The following PDLIM5 variants were observed in gnomAD, a reference collection of about 807,000 sequenced individuals.
PDLIM5 encodes the protein PDZ and LIM domain 5, also known as PDZ and LIM domain protein 5.
A neutral mutation model predicts 64.2 loss-of-function variants in PDLIM5; 34 were observed. The ratio of observed to expected loss-of-function variants is 0.53; its 90% confidence interval spans 0.40 to 0.71. The LOEUF (loss-of-function observed/expected upper bound fraction) is 0.71. PDLIM5 is among the 30% of genes least tolerant of loss of function. The pLI, the probability that PDLIM5 is intolerant of heterozygous loss-of-function variation, is 0.00. For missense variants in PDLIM5, 683 were observed against 733.6 expected (o/e 0.93, Z 0.80); for synonymous variants, 253 against 269.1 (o/e 0.94, Z 0.59).
At chr4:94,508,938 A>G (rs1434207954) in intron 2 of PDLIM5, among the ~76,000 whole-genome samples, 4 of 152,122 alleles carry the variant, frequency 2.6e-5, no homozygotes, top group South Asian at 2.1e-4. Flanking sequence ...TTTTCATATC[A>G]TCGTGTCTTT....
intron 2 of PDLIM5, among the ~76,000 whole-genome samples, chr4:94,492,589 C>T (rs530822789): frequency 7.9e-5 from 12 of 152,206 alleles, no homozygotes; most frequent in African/African-American, 2.2e-4. Flanking sequence ...TCTGTCTTTA[C>T]GGATTTACCT....
Position 94,665,441 on chromosome 4 carries a change from A to G in PDLIM5, c.*1374A>G, listed in dbSNP as rs1743026530. ...AGTTGCAGTGAGCTGAGATCACACC[A>G]CTGCACTCCAGCCTGGTGACAGAGC... On this transcript the variant is annotated 3_prime_UTR_variant, in exon 13 of 13. Transcript: ENST00000317968. The G allele has an allele frequency of 1.6e-6, 1 of 635,760 alleles. No individual in the cohort carries two copies. Among genetic ancestry groups the G allele is most frequent in the South Asian group, 6.6e-5 (1 of 15,208 alleles). 39.4% of individuals were successfully genotyped at this position (635,760 alleles called of 1,614,324 possible). A position where few individuals can be genotyped will look rare whatever the true frequency, so the allele number is the denominator to read the frequency against.
rs189607699 is a variant in PDLIM5, at chr4:94,524,465, T to G, written c.248+590T>G. 4.7e-4 allele frequency among the ~76,000 whole-genome samples: 71 copies of G among 152,100 alleles called. 1 individual carries two copies. The highest frequency in any genetic ancestry group is 3.4e-3 in the Middle Eastern group (1 of 294). ...AATGGAGTGCAGGCTAAGAATTCTT[T>G]CTGTTAGGTAAAATTCTGAGCATTA... On this transcript the variant is annotated intron_variant, in intron 3 of 12. Transcript: ENST00000317968.
chr4:94,508,234 A>G (rs1728564360), intron 2 of PDLIM5, among the ~76,000 whole-genome samples: 1 of 152,254 alleles, frequency 6.6e-6, no homozygotes, highest in African/African-American at 2.4e-5. Context: ...CTGTGTGACG[A>G]GAGACCAGAG....
chr4:94,657,444 G>T lies in PDLIM5; in HGVS notation c.1482G>T (p.Leu494Phe). The change falls in exon 11 of 13, where the codon TTG (leucine) becomes TTT (phenylalanine). Residue 494 changes from leucine (L) to phenylalanine (F), a missense_variant. Coordinates refer to ENST00000317968, the MANE Select transcript of PDLIM5 (RefSeq NM_006457.5). ...RKILGEVISA[L>F]KQTWHVSCFV... Reference sequence around the variant, plus strand: ...TGTAACAGGAAGTCATCAGTGCGTTGAAACAAACTTGGCATGTTTCCTGTT... The same window carrying T: ...TGTAACAGGAAGTCATCAGTGCGTTTAAACAAACTTGGCATGTTTCCTGTT... 6.2e-7 allele frequency: 1 copy of T among 1,600,838 alleles called. No individual in the cohort carries two copies. The highest frequency in any genetic ancestry group is 8.6e-7 in the Non-Finnish European group (1 of 1,168,470).
intron 2 of PDLIM5, among the ~76,000 whole-genome samples, chr4:94,467,568 T>TC (rs1350967113): frequency 6.6e-6 from 1 of 152,144 alleles, no homozygotes; most frequent in Non-Finnish European, 1.5e-5. Flanking sequence ...CGCCTCAGCC[T>TC]CCCAAAGTGC....
intron 2 of PDLIM5, among the ~76,000 whole-genome samples, chr4:94,489,932 A>AT (rs1165542710): frequency 6.6e-6 from 1 of 151,902 alleles, no homozygotes. Flanking sequence ...TCTTTAATAT[A>AT]TATCATGGGT....
At chr4:94,495,820 A>G (rs1198113658) in intron 2 of PDLIM5, among the ~76,000 whole-genome samples, 3 of 152,178 alleles carry the variant, frequency 2.0e-5, no homozygotes, top group Non-Finnish European at 4.4e-5. Context: ...TTCAATTTTC[A>G]TGGAGCTGTG....
chr4:94,558,833 G>A (rs545960157), intron 3 of PDLIM5, among the ~76,000 whole-genome samples: 20 of 151,818 alleles, frequency 1.3e-4, no homozygotes, highest in African/African-American at 4.8e-4. Flanking sequence ...GCAGGGAGGG[G>A]GGTTAGTAAA....
chr4:94,525,427 C>G lies in PDLIM5; in HGVS notation c.248+1552C>G, dbSNP rs568868631. On this transcript the variant is annotated intron_variant, in intron 3 of 12. Coordinates refer to ENST00000317968, the MANE Select transcript of PDLIM5 (RefSeq NM_006457.5). ...AGCGACACTCTGTCGCCCCACCCCC[C>G]AAAAAAATATTAAAAAAAAAGAGGG... 1.7e-4 allele frequency among the ~76,000 whole-genome samples: 25 copies of G among 146,016 alleles called. 1 individual carries two copies. In the South Asian group the frequency reaches 4.2e-3, roughly 25 times the overall value.
chr4:94,662,744 T>TG (rs1742835270), intron 12 of PDLIM5, among the ~76,000 whole-genome samples: 1 of 152,024 alleles, frequency 6.6e-6, no homozygotes, highest in Non-Finnish European at 1.5e-5. Context: ...CCTTAGTCCT[T>TG]AGAGAAAATA....
chr4:94,518,604 T>G (rs1156364959), intron 2 of PDLIM5, among the ~76,000 whole-genome samples: 1 of 152,228 alleles, frequency 6.6e-6, no homozygotes, highest in Non-Finnish European at 1.5e-5. Context: ...CACGCAAGTA[T>G]TACTGTGAGA....
chr4:94,484,337 A>G (rs1726126749), intron 2 of PDLIM5, among the ~76,000 whole-genome samples: 2 of 152,186 alleles, frequency 1.3e-5, no homozygotes, highest in South Asian at 4.1e-4. Flanking sequence ...ATTAAGAAGA[A>G]AGTGAATTTC....
intron 2 of PDLIM5, among the ~76,000 whole-genome samples, chr4:94,467,376 A>G (rs997560432): frequency 6.7e-6 from 1 of 148,684 alleles, no homozygotes; most frequent in East Asian, 2.0e-4. Context: ...GTGTGGCGGC[A>G]TAATCTCAGC....
chr4:94,647,251 A>G (rs1015267065), intron 9 of PDLIM5, among the ~76,000 whole-genome samples: 1 of 152,194 alleles, frequency 6.6e-6, no homozygotes, highest in Non-Finnish European at 1.5e-5. Flanking sequence ...GTTGTCTACA[A>G]GAGACACAGT....
chr4:94,527,868 T>C (rs1199737171), intron 3 of PDLIM5, among the ~76,000 whole-genome samples: 1 of 152,184 alleles, frequency 6.6e-6, no homozygotes, highest in Non-Finnish European at 1.5e-5. Context: ...GTAGCTTATA[T>C]TGCTTCCAAA....
chr4:94,581,141 G>C (rs1735699607), intron 5 of PDLIM5, among the ~76,000 whole-genome samples: 1 of 152,120 alleles, frequency 6.6e-6, no homozygotes, highest in African/African-American at 2.4e-5. Flanking sequence ...GGGAAAGTGG[G>C]CAGCACAGCC....
At chr4:94,541,260 T>A (rs1578338239) in intron 3 of PDLIM5, among the ~76,000 whole-genome samples, 1 of 152,176 alleles carries the variant, frequency 6.6e-6, no homozygotes, top group African/African-American at 2.4e-5. Flanking sequence ...TAAAACCTCA[T>A]TCACACCTGC....
chr4:94,594,052 C>G (rs1037316742), intron 7 of PDLIM5, among the ~76,000 whole-genome samples: 1 of 152,086 alleles, frequency 6.6e-6, no homozygotes, highest in Non-Finnish European at 1.5e-5. Flanking sequence ...GTGGCACACA[C>G]TATCTCTAAT....
Sources: gnomAD v4.1 joint callset for allele counts (sites outside exome capture counted in the v4.1 genomes callset) on GRCh38, gnomAD v4.1.1 for gene constraint, MANE v1.5 for transcripts, NCBI Gene and HGNC (gene_info 2026-07-23, HGNC 2026-07-21) for gene names.